OR9Q1: variants seen among roughly 807,000 people sequenced by gnomAD.
The protein encoded by OR9Q1 is olfactory receptor family 9 subfamily Q member 1.
For missense variants in OR9Q1, 374 were observed against 378.8 expected, an observed-to-expected ratio of 0.99 and a Z score of 0.11; for synonymous variants, 153 against 148.6, an observed-to-expected ratio of 1.03 and a Z score of -0.22.
At chr11:58,104,919 T>C (rs1275323267) in intron 2 of OR9Q1, among the ~76,000 whole-genome samples, 3 of 152,140 alleles carry the variant, frequency 2.0e-5, no homozygotes, top group Non-Finnish European at 4.4e-5. Flanking sequence ...ATAAATAACA[T>C]ATTTTTTTGG....
chr11:58,053,633 T>TATATATATAAATTATATATATATAAA, intron 1 of OR9Q1, among the ~76,000 whole-genome samples: 2 of 32,112 alleles, frequency 6.2e-5, no homozygotes, highest in East Asian at 4.6e-3. Flanking sequence ...ATATAAAATA[T>TATATATATAAATTATATATATATAAA]ATATATATAT....
intron 2 of OR9Q1, chr11:58,118,614 G>A: frequency 6.2e-7 from 1 of 1,613,998 alleles, no homozygotes; most frequent in Non-Finnish European, 8.5e-7. Context: ...CCACTGTATA[G>A]AAGACAGACA....
At chr11:58,082,901 C>T (rs1172966157) in intron 2 of OR9Q1, among the ~76,000 whole-genome samples, 2 of 149,650 alleles carry the variant, frequency 1.3e-5, no homozygotes, top group Admixed American at 6.7e-5. Flanking sequence ...CCCATTAACT[C>T]GTCATTTAGC....
chr11:58,168,436 G>A (rs1019768626), intron 2 of OR9Q1, among the ~76,000 whole-genome samples: 1 of 152,040 alleles, frequency 6.6e-6, no homozygotes, highest in Non-Finnish European at 1.5e-5. Context: ...CAACATGACG[G>A]CTTTGAGATT....
intron 2 of OR9Q1, among the ~76,000 whole-genome samples, chr11:58,070,773 T>C (rs1853480278): frequency 6.6e-6 from 1 of 152,176 alleles, no homozygotes; most frequent in South Asian, 2.1e-4. Context: ...ACTGGGTTAG[T>C]TGAGGGGCTA....
chr11:58,147,319 C>T (rs1565090205), intron 2 of OR9Q1, among the ~76,000 whole-genome samples: 1 of 152,126 alleles, frequency 6.6e-6, no homozygotes, highest in Non-Finnish European at 1.5e-5. Flanking sequence ...CTATCTGTCC[C>T]TTCATCAAAA....
At chr11:58,087,212 A>AT (rs1440578534) in intron 2 of OR9Q1, among the ~76,000 whole-genome samples, 7 of 151,832 alleles carry the variant, frequency 4.6e-5, no homozygotes, top group Non-Finnish European at 8.8e-5. Flanking sequence ...AGAAAAATTC[A>AT]TATCTATATG....
At chr11:58,078,043 G>A (rs1360500032) in intron 2 of OR9Q1, 5 of 152,386 alleles carry the variant, frequency 3.3e-5, no homozygotes, top group South Asian at 2.1e-4. Flanking sequence ...TGTAATTCCA[G>A]CTACCTGGGT....
At chr11:58,145,778 C>T (rs762151686) in intron 2 of OR9Q1, among the ~76,000 whole-genome samples, 10 of 152,002 alleles carry the variant, frequency 6.6e-5, no homozygotes, top group Non-Finnish European at 1.0e-4. Flanking sequence ...CTCAGCTATT[C>T]GGATTTTTTT....
intron 2 of OR9Q1, among the ~76,000 whole-genome samples, chr11:58,147,503 TG>T (rs1299865877): frequency 2.0e-5 from 3 of 152,102 alleles, no homozygotes; most frequent in Non-Finnish European, 4.4e-5. Context: ...TGCTAGACAG[TG>T]GGGGTTTGCT....
At chr11:58,043,084 G>A (rs562095910) in intron 1 of OR9Q1, among the ~76,000 whole-genome samples, 10 of 152,150 alleles carry the variant, frequency 6.6e-5, no homozygotes, top group South Asian at 2.1e-4. Flanking sequence ...CAATCATGTC[G>A]TCTGCAAATA....
intron 2 of OR9Q1, chr11:58,078,180 C>G (rs369478875): frequency 6.6e-6 from 1 of 152,158 alleles, no homozygotes; most frequent in Non-Finnish European, 1.5e-5. Context: ...ACAACAACGA[C>G]GACAACAACA....
chr11:58,132,735 G>A (rs1025356226), intron 2 of OR9Q1, among the ~76,000 whole-genome samples: 24 of 152,256 alleles, frequency 1.6e-4, no homozygotes, highest in South Asian at 4.1e-4. Context: ...GGAGGAGGCC[G>A]CCAGACAAGA....
intron 2 of OR9Q1, among the ~76,000 whole-genome samples, chr11:58,119,965 G>A (rs907292225): frequency 1.3e-5 from 2 of 152,086 alleles, no homozygotes; most frequent in Admixed American, 1.3e-4. Flanking sequence ...TTCACAAGTT[G>A]GAACTGATGA....
At chr11:58,067,252 GGTCTC>G (rs1201080369) in intron 2 of OR9Q1, among the ~76,000 whole-genome samples, 1 of 151,992 alleles carries the variant, frequency 6.6e-6, no homozygotes, top group African/African-American at 2.4e-5. Flanking sequence ...TAGCCCGGGT[GGTCTC>G]CATCTCCTGA....
At chr11:58,109,247 C>T (rs1203813827) in intron 2 of OR9Q1, 1 of 463,612 alleles carries the variant, frequency 2.2e-6, no homozygotes, top group Non-Finnish European at 4.4e-6. Flanking sequence ...CTGCAGGTAC[C>T]TGGAGTCATG....
chr11:58,059,499 C>A (rs1193318813), intron 2 of OR9Q1, among the ~76,000 whole-genome samples: 1 of 151,704 alleles, frequency 6.6e-6, no homozygotes, highest in Non-Finnish European at 1.5e-5. Context: ...AGTTCGAGAC[C>A]AGCCTGGCCA....
chr11:58,112,292 C>CAAAAAAAAAAAAAAAAAAAAAAA (rs761960271), intron 2 of OR9Q1, among the ~76,000 whole-genome samples: 1 of 111,710 alleles, frequency 9.0e-6, no homozygotes, highest in African/African-American at 2.9e-5. Context: ...GACTTCGTCT[C>CAAAAAAAAAAAAAAAAAAAAAAA]AAAGAAAAAA....
chr11:58,161,551 T>TG (rs914807162), intron 2 of OR9Q1, among the ~76,000 whole-genome samples: 2 of 148,692 alleles, frequency 1.3e-5, no homozygotes, highest in African/African-American at 4.9e-5. Context: ...CTTATTCTGT[T>TG]TTTTTTTTTT....
Sources: allele counts gnomAD v4.1 joint callset (sites outside exome capture counted in the v4.1 genomes callset), GRCh38; gene constraint gnomAD v4.1.1; transcripts MANE v1.5; gene names NCBI Gene and HGNC (gene_info 2026-07-23, HGNC 2026-07-21).